F12: variants seen among roughly 807,000 people sequenced by gnomAD.
The protein encoded by F12 is Hageman factor.
A neutral mutation model predicts 74.8 loss-of-function variants in F12; 70 were observed. That is an observed-to-expected ratio of 0.94 (90% confidence interval 0.77 to 1.14). F12 has a LOEUF of 1.14. Ranked by LOEUF, F12 falls within the 50% of genes most tolerant of loss-of-function variation. The probability of loss-of-function intolerance (pLI) is 0.00; values close to 1 mark genes in which losing one functional copy is unlikely to be tolerated. For synonymous variants in F12, 373 were observed against 356.4 expected (o/e 1.05, Z -0.52); for missense variants, 811 against 835.7 (o/e 0.97, Z 0.36).
chr5:177,406,216 C>T (rs538921366), intron 2 of F12, among the ~76,000 whole-genome samples, 155 bp from the exon 3 acceptor site: 25 of 152,318 alleles, frequency 1.6e-4, no homozygotes, highest in Admixed American at 6.5e-4. Context: ...GGGCCGGGCG[C>T]GGTGGCTCAA....
intron 3 of F12, 69 bp downstream of exon 3, chr5:177,405,893 C>G: frequency 6.2e-7 from 1 of 1,602,990 alleles, no homozygotes; most frequent in South Asian, 1.1e-5. Flanking sequence ...AGCAGAGTTC[C>G]TTGGACAGAA....
chr5:177,405,563 C>G (rs1213695624), intron 4 of F12, 130 bp from the exon 5 acceptor site: 1 of 1,201,134 alleles, frequency 8.3e-7, no homozygotes, highest in Non-Finnish European at 1.2e-6. Context: ...TACCCACCTG[C>G]AAAATGGGAC....
At position 177,403,473 on chromosome 5, in the gene F12, C is replaced by T. The variant is rs1293662074; in HGVS notation, c.1387+8G>A. 9 of 1,559,178 alleles carry T rather than the reference C, an allele frequency of 5.8e-6. No individual in the cohort carries two copies. The East Asian group carries it at 2.1e-4, about 37-fold the overall frequency. On this transcript the variant is annotated splice_region_variant and intron_variant, in intron 11 of 13. Coordinates refer to ENST00000253496, the MANE Select transcript of F12 (RefSeq NM_000505.4). ...CTCTTCCCGTCCCCGCGGGGCGCCC[C>T]CACGCACCCAGGTCGTGCTGGTAGC...
Position 177,405,309 on chromosome 5 carries a change from C to T in F12, c.397+14G>A. The stretch of plus-strand genomic sequence containing the variant: ...TCCCCCAGCACCCCGCCCAGGTCCT[C>T]CACATCTCCTCACCTTTCTGGCAGT... On this transcript the variant is annotated intron_variant, in intron 5 of 13. Transcript: ENST00000253496. The T allele has an allele frequency of 1.2e-6, 2 of 1,614,016 alleles. No individual in the cohort carries two copies. Among genetic ancestry groups the T allele is most frequent in the South Asian group, 1.1e-5 (1 of 91,064 alleles).
chr5:177,404,131 G>A, intron 9 of F12, 41 bp from the exon 10 acceptor site: 14 of 1,587,624 alleles, frequency 8.8e-6, no homozygotes, highest in African/African-American at 1.3e-5. Context: ...GCCCGCGGCC[G>A]GCTGGCCGGA....
In F12 at chr5:177,405,199, G is replaced by T; in HGVS notation, c.398-14C>A. On this transcript the variant is annotated splice_polypyrimidine_tract_variant and intron_variant, in intron 5 of 13. Transcript: ENST00000253496. ...CAAAGCACTTCTCTGGGGACAAAGA[G>T]GGATAGTGGTCTCAGGAGAGTCTAG... The T allele has an allele frequency of 6.2e-7, 1 of 1,613,736 alleles. No homozygotes were observed. The highest frequency in any genetic ancestry group is 1.1e-5 in the South Asian group (1 of 91,058).
intron 3 of F12, 56 bp from the exon 4 acceptor site, chr5:177,405,861 C>T: frequency 1.9e-6 from 3 of 1,604,638 alleles, no homozygotes; most frequent in Non-Finnish European, 1.7e-6. Flanking sequence ...CCACCCTGCC[C>T]TATCACAGTC....
rs1763271868 is a variant in F12 at position 177,405,667 on chromosome 5, G to T, written c.286+68C>A. On this transcript the variant is annotated intron_variant, in intron 4 of 13. Transcript: ENST00000253496. ...CAGAATCCCAGGTGTGTGGGGTCTGGTGATACCAGGAGAGTAATGAGGCGG... is the reference window on the plus strand; with the variant it reads ...CAGAATCCCAGGTGTGTGGGGTCTGTTGATACCAGGAGAGTAATGAGGCGG... 12 of 1,490,646 alleles carry T rather than the reference G, an allele frequency of 8.1e-6. No individual in the cohort carries two copies. In the South Asian group the frequency reaches 1.4e-4, roughly 17 times the overall value. 92.3% of individuals were successfully genotyped at this position (1,490,646 alleles called of 1,614,324 possible).
chr5:177,404,624 G>A lies in F12; in HGVS notation c.675C>T (p.Tyr225=). The change falls in exon 8 of 14, where the codon TAC becomes TAT. Residue 225 remains tyrosine (Y), a synonymous_variant. Coordinates refer to ENST00000253496, the MANE Select transcript of F12 (RefSeq NM_000505.4). The stretch of plus-strand genomic sequence containing the variant: ...AGAGCGTGGTCCTGGCCAGGCCGCG[G>A]TAGCTGAGCCCGCGGCCATCATAGC... ...ASCYDGRGLS[Y]RGLARTTLSG... The A allele has an allele frequency of 6.2e-7, 1 of 1,607,302 alleles. No homozygotes were observed.
intron 4 of F12, 121 bp downstream of exon 4, chr5:177,405,614 A>G (rs1763270423): frequency 1.7e-6 from 2 of 1,200,096 alleles, no homozygotes; most frequent in Admixed American, 1.8e-5. Flanking sequence ...TCCAAAGGGT[A>G]TTGTGGAGGG....
At chr5:177,408,982 G>T in intron 2 of F12, 64 bp downstream of exon 2, 1 of 1,482,122 alleles carries the variant, frequency 6.7e-7, no homozygotes, top group East Asian at 2.5e-5. Context: ...CCCTGAGACT[G>T]CACACACTGC....
rs2127360097 is a variant in F12, at chr5:177,404,400, C to A, written c.814G>T (p.Asp272Tyr). The change falls in exon 9 of 14, where the codon GAC (aspartate) becomes TAC (tyrosine). Residue 272 changes from aspartate (D) to tyrosine (Y), a missense_variant. Physicochemically the swap from Asp to Tyr is radical, Grantham distance 160. Coordinates refer to ENST00000253496, the MANE Select transcript of F12 (RefSeq NM_000505.4). ...AGCACGAAGCACCACGGGCGGATGT[C>A]GTTGTCCGGGTTCCTGTAGCCACAC... The part of the protein sequence containing the change: ...GHAFCRNPDN[D>Y]IRPWCFVLNR... 1.2e-6 allele frequency: 2 copies of A among 1,611,828 alleles called. No homozygotes were observed. Among genetic ancestry groups the A allele is most frequent in the East Asian group, 4.5e-5 (2 of 44,836 alleles).
rs57638946 is a variant in F12, at chr5:177,405,940, C to T, written c.215+22G>A. Reference sequence around the variant, plus strand: ...GTACATGTCTCCCAGGCCCCTGCTCCAACTCCTCTGCGTAGTCTTACCAGG... The same window carrying T: ...GTACATGTCTCCCAGGCCCCTGCTCTAACTCCTCTGCGTAGTCTTACCAGG... On this transcript the variant is annotated intron_variant, in intron 3 of 13. Transcript: ENST00000253496. The T allele has an allele frequency of 3.1e-6, 5 of 1,610,598 alleles. No homozygotes were observed. The East Asian group carries it at 8.9e-5, about 29-fold the overall frequency.
At position 177,405,179 on chromosome 5, in the gene F12, C is replaced by G; in HGVS notation, c.404G>C (p.Cys135Ser). Residue 135 changes from cysteine to serine, a missense_variant, in exon 6 of 14, where the codon TGC becomes TCC. Coordinates refer to ENST00000253496, the MANE Select transcript of F12 (RefSeq NM_000505.4). ...LTGNHCQKEK[C>S]FEPQLLRFFH... is the part of the protein sequence containing the mutation. ...AAACCGGAGAAGCTGAGGCTCAAAG[C>G]ACTTCTCTGGGGACAAAGAGGGATA... 1 of 1,613,958 alleles carries G rather than the reference C, an allele frequency of 6.2e-7. No homozygotes were observed. The highest frequency in any genetic ancestry group is 8.5e-7 in the Non-Finnish European group (1 of 1,180,036).
Position 177,403,920 on chromosome 5 carries a change from A to G in F12, c.1189T>C (p.Cys397Arg). 6.3e-7 allele frequency: 1 copy of G among 1,593,530 alleles called. No individual in the cohort carries two copies. Among genetic ancestry groups the G allele is most frequent in the Non-Finnish European group, 8.5e-7 (1 of 1,173,594 alleles). ...CAGGGGGCGATGAGGCTGCCGGCGC[A>G]GAAACTGTGGCCCCAGTACAGCGCG... ...IAALYWGHSFCAGSLIAPCWV... is the reference protein window; with the variant it reads ...IAALYWGHSFRAGSLIAPCWV... Residue 397 changes from cysteine (C) to arginine (R), a missense_variant, in exon 10 of 14, where the codon TGC becomes CGC. Physicochemically the swap from Cys to Arg is radical, Grantham distance 180. Transcript: ENST00000253496.
In F12 at chr5:177,404,581, G is replaced by A; in HGVS notation, c.718C>T (p.Pro240Ser). 1 of 1,608,240 alleles carries A rather than the reference G, an allele frequency of 6.2e-7. No homozygotes were observed. Among genetic ancestry groups the A allele is most frequent in the Non-Finnish European group, 8.5e-7 (1 of 1,179,032 alleles). Residue 240 changes from proline (P) to serine (S), a missense_variant, in exon 8 of 14, where the codon CCG becomes TCG. Transcript: ENST00000253496. ...RTTLSGAPCQPWASEATYRNV... is the reference protein window; with the variant it reads ...RTTLSGAPCQSWASEATYRNV... Reference sequence around the variant, plus strand: ...CGGTAGGTGGCCTCCGAGGCCCACGGCTGACAGGGCGCACCCGAGAGCGTG... The same window carrying A: ...CGGTAGGTGGCCTCCGAGGCCCACGACTGACAGGGCGCACCCGAGAGCGTG...
rs2127362725 is a variant in F12, at chr5:177,409,488, A to G, written c.40T>C (p.Leu14=). The G allele has an allele frequency of 1.9e-6, 3 of 1,614,040 alleles. No homozygotes were observed. In the East Asian group the frequency reaches 6.7e-5, roughly 36 times the overall value. Reference sequence around the variant, plus strand: ...GCACTCACCGAAAGTGTTGACTCCAAGCTCACCAGCAGGAACCCCAGGAGC... The same window carrying G: ...GCACTCACCGAAAGTGTTGACTCCAGGCTCACCAGCAGGAACCCCAGGAGC... ...LLLLGFLLVS[L]ESTLSIPPWE... is the part of the protein sequence containing the mutation. Residue 14 remains leucine, a synonymous_variant, in exon 1 of 14, where the codon TTG becomes CTG. Coordinates refer to ENST00000253496, the MANE Select transcript of F12 (RefSeq NM_000505.4).
chr5:177,402,231 A>G lies in F12; in HGVS notation c.*61T>C. ...GGAATGGGACACAATCTTGCCTTCCATGCCCCAGCCACTCTCTCACTGCGG... is the reference window on the plus strand; with the variant it reads ...GGAATGGGACACAATCTTGCCTTCCGTGCCCCAGCCACTCTCTCACTGCGG... On this transcript the variant is annotated 3_prime_UTR_variant, in exon 14 of 14. Transcript: ENST00000253496. 6.3e-7 allele frequency: 1 copy of G among 1,599,158 alleles called. No individual in the cohort carries two copies.
intron 4 of F12, 99 bp from the exon 5 acceptor site, chr5:177,405,532 T>TC: frequency 3.0e-6 from 4 of 1,352,110 alleles, no homozygotes; most frequent in Non-Finnish European, 4.1e-6. Flanking sequence ...ACCTTGCTAC[T>TC]CCAAGTTTCC....
Sources: gnomAD v4.1 joint callset for allele counts (sites outside exome capture counted in the v4.1 genomes callset) on GRCh38, gnomAD v4.1.1 for gene constraint, MANE v1.5 for transcripts, NCBI Gene and HGNC (gene_info 2026-07-23, HGNC 2026-07-21) for gene names.